DOT1L: variants seen among roughly 807,000 people sequenced by gnomAD.
The protein encoded by DOT1L is DOT1 like histone lysine methyltransferase.
DOT1L carries 33 observed loss-of-function variants against 153.3 expected under a neutral mutation model. The observed-to-expected ratio is 0.22, with a 90% CI of 0.16 to 0.29. The LOEUF (loss-of-function observed/expected upper bound fraction) is 0.29. DOT1L is among the 10% of genes least tolerant of loss of function. The pLI is 1.00. For missense variants in DOT1L, 1,847 were observed against 2,119.9 expected, an observed-to-expected ratio of 0.87 and a Z score of 2.53; for synonymous variants, 1,135 against 965.1, an observed-to-expected ratio of 1.18 and a Z score of -3.26.
At chr19:2,169,539 G>A (rs1484032431) in intron 1 of DOT1L, among the ~76,000 whole-genome samples, 1 of 152,080 alleles carries the variant, frequency 6.6e-6, no homozygotes, top group Non-Finnish European at 1.5e-5. Context: ...TGTCTCCCAG[G>A]CTGGAGTGCA....
Position 2,216,702 on chromosome 19 carries a change from G to C in DOT1L, c.2345G>C (p.Arg782Thr). The C allele has an allele frequency of 6.2e-7, 1 of 1,602,230 alleles. No homozygotes were observed. Among genetic ancestry groups the C allele is most frequent in the South Asian group, 1.1e-5 (1 of 91,052 alleles). Residue 782 changes from arginine (R) to threonine (T), a missense_variant, in exon 20 of 28, where the codon AGG becomes ACG. Transcript: ENST00000398665. ...TRLSPAKIVL[R>T]RHLSQDHTVP... ...CTGTCCCCGGCCAAGATTGTGCTGA[G>C]GCGGCACCTGAGCCAGGACCACACG...
chr19:2,192,644 G>T (rs2022845008), intron 5 of DOT1L, among the ~76,000 whole-genome samples: 1 of 149,462 alleles, frequency 6.7e-6, no homozygotes, highest in African/African-American at 2.5e-5. Flanking sequence ...CGGCACTCCG[G>T]CCTGGGTGAC....
chr19:2,221,780 TCAGCCCTGAGC>T, intron 23 of DOT1L, 185 bp from the exon 24 acceptor site: 2 of 596,168 alleles, frequency 3.4e-6, no homozygotes, highest in Non-Finnish European at 5.8e-6. Context: ...AGGCACAGGG[TCAGCCCTGAGC>T]CTTGAGCTTG....
rs948138492 is a variant in DOT1L, at chr19:2,191,954, G to A, written c.493+714G>A. On this transcript the variant is annotated intron_variant, in intron 5 of 27. Transcript: ENST00000398665. This position sits in a 1 kb window ranked among gnomAD's most constrained non-coding sequence, Gnocchi z 6.8. ...AAGCACAGATGAGCGGCCCGTACAC[G>A]AACAGCCTCAGTAGCCTGACGAATT... Among the ~76,000 whole-genome samples the A allele has an allele frequency of 2.0e-5, 3 of 152,156 alleles. No homozygotes were observed. The highest frequency in any genetic ancestry group is 2.9e-5 in the Non-Finnish European group (2 of 68,024).
intron 1 of DOT1L, among the ~76,000 whole-genome samples, chr19:2,173,091 A>G (rs1193542935): frequency 6.6e-6 from 1 of 152,128 alleles, no homozygotes; most frequent in Non-Finnish European, 1.5e-5. Flanking sequence ...AATCACCCCA[A>G]AAGGAAACGC....
Position 2,231,425 on chromosome 19 carries a change from T to C in DOT1L, c.*1633T>C. On this transcript the variant is annotated 3_prime_UTR_variant, in exon 28 of 28. Coordinates refer to ENST00000398665, the MANE Select transcript of DOT1L (RefSeq NM_032482.3). ...AGGAAAGGCTTCTGTGGTTGCTAGG[T>C]GGGGGAGTCCTGTGTGGGAGGGCCT... The C allele has an allele frequency of 4.9e-6, 1 of 204,682 alleles. No individual in the cohort carries two copies. The highest frequency in any genetic ancestry group is 1.0e-5 in the Non-Finnish European group (1 of 99,970). 12.7% of individuals were successfully genotyped at this position (204,682 alleles called of 1,614,324 possible). A position where few individuals can be genotyped will look rare whatever the true frequency, so the allele number is the denominator to read the frequency against.
In DOT1L at chr19:2,210,713, G is replaced by C. The variant is rs1311073315; in HGVS notation, c.1209G>C (p.Gly403=). 1.2e-6 allele frequency: 2 copies of C among 1,613,186 alleles called. No homozygotes were observed. The highest frequency in any genetic ancestry group is 1.7e-6 in the Non-Finnish European group (2 of 1,180,018). ...KARKKKLNKK[G]RKMAGRKRGR... ...GCAAGAAGAAGCTAAACAAGAAGGG[G>C]AGGAAGATGGCTGGCCGCAAGCGCG... The change falls in exon 14 of 28, where the codon GGG becomes GGC. Residue 403 remains glycine, a synonymous_variant. Transcript: ENST00000398665.
chr19:2,221,742 G>A (rs1031824342), intron 23 of DOT1L: 10 of 526,908 alleles, frequency 1.9e-5, no homozygotes, highest in Non-Finnish European at 3.0e-5. Context: ...GGACCTGCAG[G>A]GCACAGGCAG....
chr19:2,195,637 T>C (rs1321015119), intron 7 of DOT1L, among the ~76,000 whole-genome samples: 2 of 152,178 alleles, frequency 1.3e-5, no homozygotes, highest in Middle Eastern at 3.4e-3. Context: ...CCTTGAGTCC[T>C]GAGAAGCTTC....
intron 14 of DOT1L, 35 bp downstream of exon 14, chr19:2,210,890 C>T: frequency 6.2e-7 from 1 of 1,603,164 alleles, no homozygotes. Flanking sequence ...CCCGCTCTCC[C>T]CGAGTGCGGA....
intron 7 of DOT1L, 40 bp downstream of exon 7, chr19:2,194,617 C>T: frequency 6.2e-7 from 1 of 1,600,262 alleles, no homozygotes; most frequent in East Asian, 2.2e-5. Context: ...ATCGCCGGCC[C>T]CACCCCCGCT....
At chr19:2,206,192 G>A (rs1180890168) in intron 9 of DOT1L, among the ~76,000 whole-genome samples, 1 of 151,798 alleles carries the variant, frequency 6.6e-6, no homozygotes, top group African/African-American at 2.4e-5. Context: ...TAGAGACACG[G>A]TTTTACCCTG....
At position 2,193,579 on chromosome 19, in the gene DOT1L, C is replaced by T; in HGVS notation, c.494-110C>T. ...ATATGTGTGGAGACTGTGGCCTCCC[C>T]TGTGGGTCTTCATGGCCGCATTCTT... On this transcript the variant is annotated intron_variant, in intron 5 of 27. Coordinates refer to ENST00000398665, the MANE Select transcript of DOT1L (RefSeq NM_032482.3). This position sits in a 1 kb window ranked among gnomAD's most constrained non-coding sequence, Gnocchi z 5.9. 2.0e-6 allele frequency: 2 copies of T among 987,416 alleles called. No homozygotes were observed. The highest frequency in any genetic ancestry group is 4.9e-5 in the East Asian group (2 of 40,670). The allele number at this position is 987,416 out of a possible 1,614,324, so 61.2% of individuals were successfully genotyped here. A position where few individuals can be genotyped will look rare whatever the true frequency, so the allele number is the denominator to read the frequency against.
At chr19:2,165,285 C>CGG (rs1234746595) in intron 1 of DOT1L, among the ~76,000 whole-genome samples, 1 of 152,012 alleles carries the variant, frequency 6.6e-6, no homozygotes, top group African/African-American at 2.4e-5. Flanking sequence ...GGGACTCCCG[C>CGG]GCGCGCTGGG....
intron 1 of DOT1L, among the ~76,000 whole-genome samples, chr19:2,174,034 G>C (rs1237647548): frequency 1.3e-5 from 2 of 152,186 alleles, no homozygotes; most frequent in Non-Finnish European, 2.9e-5. Flanking sequence ...GATCATAACA[G>C]TGCAACCTTG....
rs2024330583 is a variant in DOT1L, at chr19:2,226,395, C to A, written c.3874C>A (p.Pro1292Thr). The change falls in exon 27 of 28, where the codon CCC becomes ACC. Residue 1292 changes from proline to threonine, a missense_variant. By Grantham distance (38) the Pro-to-Thr change is conservative (BLOSUM62 -1). Transcript: ENST00000398665. ...PSADAKLAAH[P>T]RKGFPGSLSG... ...TGCCGATGCCAAGCTGGCCGCTCAC[C>A]CCAGGAAAGGCTTTCCCGGCTCCCT... The A allele has an allele frequency of 6.3e-7, 1 of 1,597,964 alleles. No individual in the cohort carries two copies. Among genetic ancestry groups the A allele is most frequent in the South Asian group, 1.1e-5 (1 of 89,910 alleles).
rs780465036 is a variant in DOT1L, at chr19:2,216,311, C to A, written c.1954C>A (p.Arg652=). 1.9e-5 allele frequency: 31 copies of A among 1,590,054 alleles called. No individual in the cohort carries two copies. Among genetic ancestry groups the A allele is most frequent in the Non-Finnish European group, 2.7e-5 (31 of 1,163,984 alleles). The change falls in exon 20 of 28, where the codon CGG becomes AGG. Residue 652 remains arginine (R), a synonymous_variant. Coordinates refer to ENST00000398665, the MANE Select transcript of DOT1L (RefSeq NM_032482.3). ...ISIVELEKSQ[R]QQELLQLKSC... ...CATTGTGGAGCTAGAGAAGAGCCAG[C>A]GGCAGCAGGAGCTCCTGCAGCTCAA...
Position 2,222,159 on chromosome 19 carries a change from C to G in DOT1L, c.2990C>G (p.Ser997Trp). Residue 997 changes from serine to tryptophan, a missense_variant, in exon 24 of 28, where the codon TCG becomes TGG. By Grantham distance (177) the Ser-to-Trp change is radical. Around this residue, in one of 8 missense-constraint regions of DOT1L, gnomAD observed 934 missense variants for 825.3 expected, o/e 1.13. Coordinates refer to ENST00000398665, the MANE Select transcript of DOT1L (RefSeq NM_032482.3). This position sits in a 1 kb window ranked among gnomAD's most constrained non-coding sequence, Gnocchi z 6.5. ...HPLLLAQPRN[S>W]LPASPAHQLS... The stretch of plus-strand genomic sequence containing the variant: ...CTGCTGCTGGCACAGCCCCGGAACT[C>G]GCTTCCTGCCTCTCCCGCCCACCAG... 1.2e-6 allele frequency: 2 copies of G among 1,613,052 alleles called. No individual in the cohort carries two copies. The highest frequency in any genetic ancestry group is 1.7e-6 in the Non-Finnish European group (2 of 1,179,868).
At chr19:2,187,681 G>T (rs1007564566) in intron 3 of DOT1L, among the ~76,000 whole-genome samples, 1 of 152,158 alleles carries the variant, frequency 6.6e-6, no homozygotes. Context: ...CCAGCACTTT[G>T]GGAGGCCGAG....
Sources: gnomAD v4.1 joint callset for allele counts (sites outside exome capture counted in the v4.1 genomes callset) on GRCh38, gnomAD v4.1.1 for gene constraint, gnomAD v4.1.1 regional missense constraint, Gnocchi (gnomAD v3.1) non-coding constraint, MANE v1.5 for transcripts, NCBI Gene and HGNC (gene_info 2026-07-23, HGNC 2026-07-21) for gene names.